Variants in RNF217 observed in about 807,000 individuals in gnomAD.
RNF217 encodes ring finger protein 217, also known as E3 ubiquitin-protein ligase RNF217.
A neutral mutation model predicts 57.8 loss-of-function variants in RNF217; 31 were observed. The observed-to-expected ratio is 0.54, with a 90% CI of 0.40 to 0.72. The LOEUF (loss-of-function observed/expected upper bound fraction) is 0.72, where lower values mean the gene tolerates loss of function less well. Among genes scored for constraint, RNF217 ranks in the 30% least tolerant of loss-of-function variants. The probability of loss-of-function intolerance (pLI) is 0.00; values close to 1 mark genes in which losing one functional copy is unlikely to be tolerated. For synonymous variants in RNF217, 313 were observed against 294.0 expected, an observed-to-expected ratio of 1.06 and a Z score of -0.66; for missense variants, 696 against 708.3, an observed-to-expected ratio of 0.98 and a Z score of 0.20.
intron 3 of RNF217, among the ~76,000 whole-genome samples, chr6:125,074,943 T>A (rs1788308349): frequency 6.6e-6 from 1 of 152,120 alleles, no homozygotes; most frequent in East Asian, 1.9e-4. Flanking sequence ...AATAGAAGCC[T>A]CCACTAGTCA....
Position 125,091,451 on chromosome 6 carries a change from GT to G in RNF217, c.*8517del, listed in dbSNP as rs1788949983. 6.6e-6 allele frequency: 1 copy of G among 151,964 alleles called. No individual in the cohort carries two copies. The highest frequency in any genetic ancestry group is 2.4e-5 in the African/African-American group (1 of 41,404). 9.4% of individuals were successfully genotyped at this position (151,964 alleles called of 1,614,324 possible). A position where few individuals can be genotyped will look rare whatever the true frequency, so the allele number is the denominator to read the frequency against. ...ATCTTTAGGGATGTATATAGGCTGCGTTTGCTACCTTAATCTACTGTATTAT... is the reference window on the plus strand; with the variant it reads ...ATCTTTAGGGATGTATATAGGCTGCGTTGCTACCTTAATCTACTGTATTAT... On this transcript the variant is annotated 3_prime_UTR_variant, in exon 6 of 6. Coordinates refer to ENST00000521654, the MANE Select transcript of RNF217 (RefSeq NM_001286398.3).
Position 125,089,788 on chromosome 6 carries a change from C to T in RNF217, c.*6851C>T, listed in dbSNP as rs1788879847. ...ATGTGTTCACTTCGCCATGCCCCAG[C>T]TTGGGAAATATTCTTAGTAATCCAA... On this transcript the variant is annotated 3_prime_UTR_variant, in exon 6 of 6. Coordinates refer to ENST00000521654, the MANE Select transcript of RNF217 (RefSeq NM_001286398.3). 1 of 152,070 alleles carries T rather than the reference C, an allele frequency of 6.6e-6. No individual in the cohort carries two copies. Among genetic ancestry groups the T allele is most frequent in the Admixed American group, 6.6e-5 (1 of 15,252 alleles). 9.4% of individuals were successfully genotyped at this position (152,070 alleles called of 1,614,324 possible). A position where few individuals can be genotyped will look rare whatever the true frequency, so the allele number is the denominator to read the frequency against.
At chr6:125,004,727 G>A (rs1352332353) in intron 1 of RNF217, among the ~76,000 whole-genome samples, 1 of 152,136 alleles carries the variant, frequency 6.6e-6, no homozygotes, top group Non-Finnish European at 1.5e-5. Flanking sequence ...TATGCACAAA[G>A]GACAAGAACC....
Position 125,082,977 on chromosome 6 carries a change from G to C in RNF217, c.*40G>C. ...CATCCAGCTAAGCTGGTTGGAGTAG[G>C]AGCGATACCAAAGGGTACACCCATC... is the stretch of plus-strand genomic sequence containing the variant. On this transcript the variant is annotated 3_prime_UTR_variant, in exon 6 of 6. Transcript: ENST00000521654. 1 of 1,426,854 alleles carries C rather than the reference G, an allele frequency of 7.0e-7. No individual in the cohort carries two copies. The highest frequency in any genetic ancestry group is 2.2e-5 in the Admixed American group (1 of 44,538). The allele number at this position is 1,426,854 out of a possible 1,614,324, so 88.4% of individuals were successfully genotyped here. A position where few individuals can be genotyped will look rare whatever the true frequency, so the allele number is the denominator to read the frequency against.
chr6:125,088,749 T>C lies in RNF217; in HGVS notation c.*5812T>C, dbSNP rs1207534856. 1 of 152,220 alleles carries C rather than the reference T, an allele frequency of 6.6e-6. No homozygotes were observed. Among genetic ancestry groups the C allele is most frequent in the Non-Finnish European group, 1.5e-5 (1 of 68,032 alleles). 9.4% of individuals were successfully genotyped at this position (152,220 alleles called of 1,614,324 possible). A position where few individuals can be genotyped will look rare whatever the true frequency, so the allele number is the denominator to read the frequency against. On this transcript the variant is annotated 3_prime_UTR_variant, in exon 6 of 6. Transcript: ENST00000521654. ...TTTTCTTCTAAAAATTTTCATTTGG[T>C]GTATCTAACTTTGTATCACTTAAAT... is the stretch of plus-strand genomic sequence containing the variant.
At chr6:124,980,959 G>C (rs1784140980) in intron 1 of RNF217, among the ~76,000 whole-genome samples, 1 of 152,100 alleles carries the variant, frequency 6.6e-6, no homozygotes. Context: ...CATGTTGTCT[G>C]TATTTTAGAA....
At chr6:124,968,583 A>T (rs1371991878) in intron 1 of RNF217, among the ~76,000 whole-genome samples, 1 of 152,126 alleles carries the variant, frequency 6.6e-6, no homozygotes, top group African/African-American at 2.4e-5. Flanking sequence ...CTGCATGGGT[A>T]TTTCCTGTCC....
chr6:125,064,045 C>T (rs1199138317), intron 3 of RNF217, among the ~76,000 whole-genome samples: 5 of 152,146 alleles, frequency 3.3e-5, no homozygotes, highest in Non-Finnish European at 5.9e-5. Context: ...GGCTATGTAA[C>T]TTGCAGTTGC....
chr6:124,986,963 C>T (rs1045721723), intron 1 of RNF217, among the ~76,000 whole-genome samples: 17 of 152,224 alleles, frequency 1.1e-4, no homozygotes, highest in Admixed American at 2.0e-4. Context: ...ATTCATCTGT[C>T]GTACTGATCT....
At chr6:124,998,382 T>C (rs1784828870) in intron 1 of RNF217, among the ~76,000 whole-genome samples, 1 of 152,220 alleles carries the variant, frequency 6.6e-6, no homozygotes, top group African/African-American at 2.4e-5. Context: ...ATTCAACTTT[T>C]CCTAAAGCCT....
rs140840214 is a variant in RNF217 at position 124,997,686 on chromosome 6, A to G, written c.882+34260A>G. Among the ~76,000 whole-genome samples the G allele has an allele frequency of 8.7e-3, 1,330 of 152,284 alleles. 28 individuals are homozygous for G. Among genetic ancestry groups the G allele is most frequent in the African/African-American group, 0.03 (1,263 of 41,552 alleles). On this transcript the variant is annotated intron_variant, in intron 1 of 5. Coordinates refer to ENST00000521654, the MANE Select transcript of RNF217 (RefSeq NM_001286398.3). ...CAGCCTGTGGCGATGAGATACCTGGACACTAGTTTCAGGGTAAATCCTGCA... is the reference window on the plus strand; with the variant it reads ...CAGCCTGTGGCGATGAGATACCTGGGCACTAGTTTCAGGGTAAATCCTGCA...
rs1269895909 is a variant in RNF217, at chr6:125,088,657, A to G, written c.*5720A>G. The G allele has an allele frequency of 6.6e-6, 1 of 152,204 alleles. No individual in the cohort carries two copies. Among genetic ancestry groups the G allele is most frequent in the Non-Finnish European group, 1.5e-5 (1 of 68,034 alleles). The allele number at this position is 152,204 out of a possible 1,614,324, so 9.4% of individuals were successfully genotyped here. A position where few individuals can be genotyped will look rare whatever the true frequency, so the allele number is the denominator to read the frequency against. On this transcript the variant is annotated 3_prime_UTR_variant, in exon 6 of 6. Coordinates refer to ENST00000521654, the MANE Select transcript of RNF217 (RefSeq NM_001286398.3). The stretch of plus-strand genomic sequence containing the variant: ...TGACTATTTTAGAATAACAGTATGA[A>G]TGTAAAAGGCAATAATTTTTTTTAA...
intron 1 of RNF217, among the ~76,000 whole-genome samples, chr6:124,986,326 A>C (rs757601408): frequency 3.9e-5 from 6 of 152,154 alleles, no homozygotes; most frequent in African/African-American, 7.2e-5. Flanking sequence ...CCACATCAAG[A>C]AAGTTTTGTG....
intron 1 of RNF217, among the ~76,000 whole-genome samples, chr6:125,043,051 T>C (rs1460353482): frequency 6.6e-6 from 1 of 152,070 alleles, no homozygotes; most frequent in Non-Finnish European, 1.5e-5. Flanking sequence ...TCCAGACTCC[T>C]AAGATGGCTT....
chr6:125,040,229 A>G (rs890911461), intron 1 of RNF217, among the ~76,000 whole-genome samples: 4 of 152,204 alleles, frequency 2.6e-5, no homozygotes, highest in African/African-American at 7.2e-5. Context: ...GAGGAGAATC[A>G]AATAGACACA....
chr6:125,044,501 TAATC>T, intron 1 of RNF217, among the ~76,000 whole-genome samples: 1 of 152,220 alleles, frequency 6.6e-6, no homozygotes, highest in Middle Eastern at 3.4e-3. Context: ...CCTTCTCTCC[TAATC>T]TAGCTTCGTA....
At chr6:125,007,608 A>G (rs190344236) in intron 1 of RNF217, among the ~76,000 whole-genome samples, 1 of 152,274 alleles carries the variant, frequency 6.6e-6, no homozygotes, top group African/African-American at 2.4e-5. Context: ...TGTTTTCTTC[A>G]GTGCTTGGGG....
At chr6:124,971,068 A>G (rs1031412401) in intron 1 of RNF217, among the ~76,000 whole-genome samples, 7 of 152,218 alleles carry the variant, frequency 4.6e-5, no homozygotes, top group Non-Finnish European at 7.3e-5. Context: ...GTAGAATGTT[A>G]TATGAGGGAA....
Position 125,058,066 on chromosome 6 carries a change from A to C in RNF217, c.1241A>C (p.Glu414Ala), listed in dbSNP as rs1787588758. Reference sequence around the variant, plus strand: ...TTGCGTCACTGGGCCAGCGAAATTGAGCATGGGCAGAGGAATGCCCAGAAG... The same window carrying C: ...TTGCGTCACTGGGCCAGCGAAATTGCGCATGGGCAGAGGAATGCCCAGAAG... ...KLLRHWASEI[E>A]HGQRNAQKCP... The change falls in exon 3 of 6, where the codon GAG (glutamate) becomes GCG (alanine). Residue 414 changes from glutamate (E) to alanine (A), a missense_variant. Glu to Ala is a moderately radical substitution (Grantham distance 107). This residue lies in a region of RNF217 where 231 missense variants were observed against 321.4 expected (regional missense o/e 0.72). Coordinates refer to ENST00000521654, the MANE Select transcript of RNF217 (RefSeq NM_001286398.3). 1 of 1,613,460 alleles carries C rather than the reference A, an allele frequency of 6.2e-7. No individual in the cohort carries two copies. The highest frequency in any genetic ancestry group is 1.3e-5 in the African/African-American group (1 of 74,896).
Sources: gnomAD v4.1 joint callset for allele counts (sites outside exome capture counted in the v4.1 genomes callset) on GRCh38, gnomAD v4.1.1 for gene constraint, gnomAD v4.1.1 regional missense constraint, MANE v1.5 for transcripts, NCBI Gene and HGNC (gene_info 2026-07-23, HGNC 2026-07-21) for gene names.